The following YIF1A variants were observed in gnomAD, a reference collection of about 807,000 sequenced individuals.
YIF1A encodes Yip1 interacting factor homolog A, membrane trafficking protein.
YIF1A carries 28 observed loss-of-function variants against 32.6 expected under a neutral mutation model. The ratio of observed to expected loss-of-function variants is 0.86; its 90% CI spans 0.64 to 1.18. The LOEUF is 1.18. YIF1A is among the 50% of genes most tolerant of loss of function. The pLI, the probability that YIF1A is intolerant of heterozygous loss-of-function variation, is 0.00. For missense variants in YIF1A, 373 were observed against 390.8 expected, an observed-to-expected ratio of 0.95 and a Z score of 0.38; for synonymous variants, 175 against 162.2, an observed-to-expected ratio of 1.08 and a Z score of -0.60.
At chr11:66,287,248 A>G (rs1857370195) in intron 4 of YIF1A, 1 of 315,680 alleles carries the variant, frequency 3.2e-6, no homozygotes, top group Non-Finnish European at 6.2e-6. Flanking sequence ...TAGGGACTAC[A>G]TTAGTCCTGT....
Position 66,288,083 on chromosome 11 carries a change from C to T in YIF1A, c.241G>A (p.Glu81Lys). Residue 81 changes from glutamate to lysine, a missense_variant and splice_region_variant, in exon 2 of 8, where the codon GAG becomes AAG. Transcript: ENST00000376901. ...ASHGKDMVHK[E>K]LHRFVSVSKL... is the part of the protein sequence containing the mutation. ...CGTGCCCCGGGGGCAGGCCACACCT[C>T]CTTGTGCACCATGTCCTTCCCATGG... 1 of 1,613,336 alleles carries T rather than the reference C, an allele frequency of 6.2e-7. No homozygotes were observed. Among genetic ancestry groups the T allele is most frequent in the South Asian group, 1.1e-5 (1 of 91,056 alleles).
chr11:66,289,095 G>T lies in YIF1A; in HGVS notation c.-110C>A. 7.1e-7 allele frequency: 1 copy of T among 1,400,252 alleles called. No homozygotes were observed. Among genetic ancestry groups the T allele is most frequent in the Non-Finnish European group, 9.3e-7 (1 of 1,069,840 alleles). The allele number at this position is 1,400,252 out of a possible 1,614,324, so 86.7% of individuals were successfully genotyped here. A position where few individuals can be genotyped will look rare whatever the true frequency, so the allele number is the denominator to read the frequency against. On this transcript the variant is annotated 5_prime_UTR_variant, in exon 1 of 8. Transcript: ENST00000376901. ...GTACCGACCGAGGCCACCCGGCCGC[G>T]CGACACGTCCCCCACCCCGCCGGTC...
chr11:66,285,578 G>A, intron 5 of YIF1A, 42 bp from the exon 6 acceptor site: 2 of 1,612,202 alleles, frequency 1.2e-6, no homozygotes, highest in Non-Finnish European at 1.7e-6. Context: ...GCATCCTGAG[G>A]CAGGGGTGAG....
intron 4 of YIF1A, 66 bp downstream of exon 4, chr11:66,287,531 TC>T: frequency 2.0e-6 from 3 of 1,507,618 alleles, no homozygotes; most frequent in Non-Finnish European, 2.7e-6. Flanking sequence ...TTCCCATTCA[TC>T]CCTCAAGGCA....
chr11:66,288,919 G>A (rs1398325588), intron 1 of YIF1A, 36 bp downstream of exon 1: 1 of 1,460,252 alleles, frequency 6.8e-7, no homozygotes, highest in Non-Finnish European at 8.9e-7. Context: ...CTCTCCCCCC[G>A]CCGGCCGCGC....
chr11:66,287,240 G>C (rs1857370038), intron 4 of YIF1A: 6 of 267,124 alleles, frequency 2.2e-5, no homozygotes, highest in Non-Finnish European at 4.4e-5. Context: ...CTTTGGGGTA[G>C]GGACTACATT....
chr11:66,285,215 G>A (rs1031000493), intron 6 of YIF1A, 166 bp downstream of exon 6: 17 of 1,144,146 alleles, frequency 1.5e-5, no homozygotes, highest in Non-Finnish European at 2.1e-5. Context: ...CCCAACCTCT[G>A]CATGGCACGC....
At chr11:66,285,207 C>A in intron 6 of YIF1A, 174 bp downstream of exon 6, 1 of 1,097,034 alleles carries the variant, frequency 9.1e-7, no homozygotes. Context: ...AACACCTCCC[C>A]AACCTCTGCA....
rs758579591 is a variant in YIF1A, at chr11:66,285,528, G to A, written c.494C>T (p.Pro165Leu). The A allele has an allele frequency of 1.8e-5, 29 of 1,612,840 alleles. No individual in the cohort carries two copies. Among genetic ancestry groups the A allele is most frequent in the Admixed American group, 1.0e-4 (6 of 60,008 alleles). Residue 165 changes from proline (P) to leucine (L), a missense_variant, in exon 6 of 8, where the codon CCG becomes CTG. Transcript: ENST00000376901. ...MALGIQKRFSPEVLGLCASTA... is the reference protein window; with the variant it reads ...MALGIQKRFSLEVLGLCASTA... ...GCTTGCACACAGGCCCAGCACCTCC[G>A]GGGAGAACCTGCGCCAAAGCAGGGG...
In YIF1A at chr11:66,287,655, G is replaced by A. The variant is rs755303133; in HGVS notation, c.370C>T (p.Arg124Cys). 1.2e-6 allele frequency: 2 copies of A among 1,612,578 alleles called. No individual in the cohort carries two copies. The highest frequency in any genetic ancestry group is 1.7e-5 in the Admixed American group (1 of 59,982). Residue 124 changes from arginine to cysteine, a missense_variant, in exon 4 of 8, where the codon CGT (arginine) becomes TGT (cysteine). Transcript: ENST00000376901. ...THQNWEVQYSRDAPLPPRQDL... is the reference protein window; with the variant it reads ...THQNWEVQYSCDAPLPPRQDL... ...TGCCGGGGGGGCAGAGGAGCATCAC[G>A]ACTGTACTGCACTTCCCAGTTCTGG...
chr11:66,284,689 G>A lies in YIF1A; in HGVS notation c.830C>T (p.Ala277Val). 6.2e-7 allele frequency: 1 copy of A among 1,612,788 alleles called. No homozygotes were observed. The highest frequency in any genetic ancestry group is 8.5e-7 in the Non-Finnish European group (1 of 1,179,934). Residue 277 changes from alanine (A) to valine (V), a missense_variant, in exon 8 of 8, where the codon GCA becomes GTA. Transcript: ENST00000376901. ...GTATATGATGAGGGGCTGGAAGGCTGCAGCTCCCAGAGTCAGGTAGAGCTG... is the reference window on the plus strand; with the variant it reads ...GTATATGATGAGGGGCTGGAAGGCTACAGCTCCCAGAGTCAGGTAGAGCTG... Reference protein sequence around the residue: ...RLQLYLTLGAAAFQPLIIYWL... With the variant: ...RLQLYLTLGAVAFQPLIIYWL...
Position 66,289,117 on chromosome 11 carries a change from G to T in YIF1A, c.-132C>A, listed in dbSNP as rs1857415420. 3.8e-6 allele frequency: 5 copies of T among 1,310,806 alleles called. No individual in the cohort carries two copies. The Admixed American group carries it at 1.4e-4, about 36-fold the overall frequency. 81.2% of individuals were successfully genotyped at this position (1,310,806 alleles called of 1,614,324 possible). On this transcript the variant is annotated 5_prime_UTR_variant, in exon 1 of 8. Coordinates refer to ENST00000376901, the MANE Select transcript of YIF1A (RefSeq NM_020470.3). ...CGCGCGACACGTCCCCCACCCCGCC[G>T]GTCTCGGCCACCATGTCCGTGGCGT...
Position 66,284,673 on chromosome 11 carries a change from G to A in YIF1A, c.846C>T (p.Leu282=). ...GGTGGAAAGTCAGCCAGTATATGAT[G>A]AGGGGCTGGAAGGCTGCAGCTCCCA... The part of the protein sequence containing the change: ...LTLGAAAFQP[L]IIYWLTFHLV... Residue 282 remains leucine, a synonymous_variant, in exon 8 of 8, where the codon CTC becomes CTT. Coordinates refer to ENST00000376901, the MANE Select transcript of YIF1A (RefSeq NM_020470.3). The A allele has an allele frequency of 6.2e-7, 1 of 1,612,872 alleles. No homozygotes were observed. Among genetic ancestry groups the A allele is most frequent in the Non-Finnish European group, 8.5e-7 (1 of 1,179,952 alleles).
At chr11:66,287,066 C>CACTT (rs1239316712) in intron 4 of YIF1A, 1 of 158,842 alleles carries the variant, frequency 6.3e-6, no homozygotes, top group African/African-American at 2.4e-5. Context: ...AGGGAGCCAC[C>CACTT]ACTTGCTCAG....
chr11:66,287,643 G>A lies in YIF1A; in HGVS notation c.382C>T (p.Leu128=), dbSNP rs1187144817. The change falls in exon 4 of 8, where the codon CTG becomes TTG. Residue 128 remains leucine, a synonymous_variant. Transcript: ENST00000376901. ...WEVQYSRDAP[L]PPRQDLNAPD... ...GCGTTGAGGTCTTGCCGGGGGGGCA[G>A]AGGAGCATCACGACTGTACTGCACT... 1 of 1,613,594 alleles carries A rather than the reference G, an allele frequency of 6.2e-7. No homozygotes were observed.
At position 66,285,513 on chromosome 11, in the gene YIF1A, A is replaced by G. The variant is rs1857341262; in HGVS notation, c.509T>C (p.Leu170Pro). Reference protein sequence around the residue: ...QKRFSPEVLGLCASTALVWVV... With the variant: ...QKRFSPEVLGPCASTALVWVV... ...CCACACCAGCGCTGTGCTTGCACAC[A>G]GGCCCAGCACCTCCGGGGAGAACCT... Residue 170 changes from leucine to proline, a missense_variant, in exon 6 of 8, where the codon CTG (leucine) becomes CCG (proline). By Grantham distance (98) the Leu-to-Pro change is moderately conservative. Coordinates refer to ENST00000376901, the MANE Select transcript of YIF1A (RefSeq NM_020470.3). 1.9e-6 allele frequency: 3 copies of G among 1,613,050 alleles called. No individual in the cohort carries two copies. The highest frequency in any genetic ancestry group is 1.6e-4 in the Middle Eastern group (1 of 6,084).
At position 66,287,925 on chromosome 11, in the gene YIF1A, G is replaced by A. The variant is rs1590896961; in HGVS notation, c.244-9C>T. On this transcript the variant is annotated splice_polypyrimidine_tract_variant and intron_variant, in intron 2 of 7. Transcript: ENST00000376901. The stretch of plus-strand genomic sequence containing the variant: ...GACACAAAACGGTGCAGCTGGGAGG[G>A]GAGAGAGGAAGCTGTGGGCAAGCCG... The A allele has an allele frequency of 1.2e-6, 2 of 1,612,518 alleles. No homozygotes were observed. Among genetic ancestry groups the A allele is most frequent in the South Asian group, 1.1e-5 (1 of 90,974 alleles).
intron 1 of YIF1A, 94 bp from the exon 2 acceptor site, chr11:66,288,386 C>T (rs1857397469): frequency 2.7e-6 from 4 of 1,461,430 alleles, no homozygotes; most frequent in Non-Finnish European, 3.8e-6. Flanking sequence ...CTGCACGGGT[C>T]CTGGAGGCAC....
At chr11:66,287,292 C>G (rs1196412889) in intron 4 of YIF1A, 1 of 411,204 alleles carries the variant, frequency 2.4e-6, no homozygotes, top group Non-Finnish European at 4.5e-6. Flanking sequence ...AGCCTGAAAT[C>G]CCATAGCTGG....
Sources: allele counts gnomAD v4.1 joint callset, GRCh38; gene constraint gnomAD v4.1.1; transcripts MANE v1.5; gene names NCBI Gene and HGNC (gene_info 2026-07-23, HGNC 2026-07-21).